Variants in TARBP1 observed in about 807,000 individuals in gnomAD.
TARBP1 encodes the protein tRNA guanosine 2 -O-methyltransferase TARBP1, also known as tRNA (guanosine(18)-2'-O)-methyltransferase TARBP1.
A neutral mutation model predicts 178.6 loss-of-function variants in TARBP1; 144 were observed. The observed-to-expected ratio is 0.81, with a 90% CI of 0.70 to 0.93. The LOEUF (loss-of-function observed/expected upper bound fraction) is 0.93, where lower values mean the gene tolerates loss of function less well. Ranked by LOEUF, TARBP1 falls within the 40% of genes least tolerant of loss-of-function variation. TARBP1 has a pLI of 0.00. For missense variants in TARBP1, 2,067 were observed against 2,011.7 expected, an observed-to-expected ratio of 1.03 and a Z score of -0.53; for synonymous variants, 787 against 781.0, an observed-to-expected ratio of 1.01 and a Z score of -0.13.
At chr1:234,420,960 A>G in intron 20 of TARBP1, 148 bp from the exon 21 acceptor site, 1 of 458,958 alleles carries the variant, frequency 2.2e-6, no homozygotes, top group Non-Finnish European at 3.9e-6. Flanking sequence ...AGGATGAGAA[A>G]AAGAATGGCA....
At chr1:234,474,379 A>G (rs1205311221) in intron 1 of TARBP1, among the ~76,000 whole-genome samples, 1 of 152,170 alleles carries the variant, frequency 6.6e-6, no homozygotes, top group East Asian at 1.9e-4. Context: ...AGGAAGTTCA[A>G]TATCTAAAAA....
chr1:234,464,833 A>T (rs1016036379), intron 5 of TARBP1, among the ~76,000 whole-genome samples: 2 of 152,202 alleles, frequency 1.3e-5, no homozygotes, highest in African/African-American at 2.4e-5. Flanking sequence ...TTGAAGACAG[A>T]ATTCAAGAGT....
chr1:234,402,513 A>G (rs780199669), intron 24 of TARBP1, among the ~76,000 whole-genome samples: 4 of 152,208 alleles, frequency 2.6e-5, no homozygotes, highest in African/African-American at 7.2e-5. Context: ...TATAGACACC[A>G]GTAAACCTAC....
chr1:234,399,399 G>A (rs1427642116), intron 25 of TARBP1, among the ~76,000 whole-genome samples: 1 of 152,214 alleles, frequency 6.6e-6, no homozygotes, highest in Non-Finnish European at 1.5e-5. Context: ...GATTAAGGGG[G>A]AACCAAGTAG....
chr1:234,401,246 A>C lies in TARBP1; in HGVS notation c.4006T>G (p.Trp1336Gly), dbSNP rs773826715. Reference protein sequence around the residue: ...MHGAGNAKKNWQRIQEHFFFA... With the variant: ...MHGAGNAKKNGQRIQEHFFFA... ...AAGAAATGCTCCTGAATGCGTTGCCAATTCTTCTTGGCATTCCTAAGGATT... is the reference window on the plus strand; with the variant it reads ...AAGAAATGCTCCTGAATGCGTTGCCCATTCTTCTTGGCATTCCTAAGGATT... Residue 1336 changes from tryptophan to glycine, a missense_variant, in exon 25 of 30, where the codon TGG (tryptophan) becomes GGG (glycine). Physicochemically the swap from Trp to Gly is radical, Grantham distance 184. Coordinates refer to ENST00000040877, the MANE Select transcript of TARBP1 (RefSeq NM_005646.4). 4.3e-6 allele frequency: 7 copies of C among 1,613,136 alleles called. No individual in the cohort carries two copies. In the South Asian group the frequency reaches 7.7e-5, roughly 18 times the overall value.
At position 234,446,887 on chromosome 1, in the gene TARBP1, G is replaced by A; in HGVS notation, c.2050C>T (p.Pro684Ser). The A allele has an allele frequency of 6.2e-7, 1 of 1,614,008 alleles. No homozygotes were observed. The highest frequency in any genetic ancestry group is 8.5e-7 in the Non-Finnish European group (1 of 1,179,964). Reference sequence around the variant, plus strand: ...AGGCATCTGTCAGTCTTCAGCAAGGGCATGTAGGCATTGGTACTAAACTTC... The same window carrying A: ...AGGCATCTGTCAGTCTTCAGCAAGGACATGTAGGCATTGGTACTAAACTTC... ...LMKFSTNAYM[P>S]LLKTDRCLQL... Residue 684 changes from proline to serine, a missense_variant, in exon 12 of 30, where the codon CCC becomes TCC. Transcript: ENST00000040877.
chr1:234,429,425 C>A lies in TARBP1; in HGVS notation c.2862G>T (p.Leu954Phe). Reference sequence around the variant, plus strand: ...TTTCACTCTATCTTACCTTGGGAACCAACACTTTCAAGCAATGGAACACTG... The same window carrying A: ...TTTCACTCTATCTTACCTTGGGAACAAACACTTTCAAGCAATGGAACACTG... Reference protein sequence around the residue: ...VLPVFHCLKVLVPKLLTSSES... With the variant: ...VLPVFHCLKVFVPKLLTSSES... The change falls in exon 16 of 30, where the codon TTG (leucine) becomes TTT (phenylalanine). Residue 954 changes from leucine to phenylalanine, a missense_variant. Transcript: ENST00000040877. 6.2e-7 allele frequency: 1 copy of A among 1,609,930 alleles called. No individual in the cohort carries two copies. Among genetic ancestry groups the A allele is most frequent in the South Asian group, 1.1e-5 (1 of 90,252 alleles).
intron 19 of TARBP1, among the ~76,000 whole-genome samples, chr1:234,426,149 C>T (rs138730524): frequency 2.0e-5 from 3 of 152,204 alleles, no homozygotes; most frequent in African/African-American, 7.2e-5. Context: ...CCTCCATTCA[C>T]TCAGGGGCAT....
rs747890705 is a variant in TARBP1, at chr1:234,429,174, C to T, written c.3022G>A (p.Ala1008Thr). 15 of 1,587,282 alleles carry T rather than the reference C, an allele frequency of 9.5e-6. No individual in the cohort carries two copies. In the Admixed American group the frequency reaches 2.8e-4, roughly 29 times the overall value. Reference sequence around the variant, plus strand: ...AAATATGCCTGGCCCTTGATTTTGGCAGCAATGGTAAGAACTTTGTTATCA... The same window carrying T: ...AAATATGCCTGGCCCTTGATTTTGGTAGCAATGGTAAGAACTTTGTTATCA... ...VFDNKVLTIA[A>T]KIKGQAYFKI... Residue 1008 changes from alanine (A) to threonine (T), a missense_variant, in exon 17 of 30, where the codon GCC (alanine) becomes ACC (threonine). Physicochemically the swap from Ala to Thr is moderately conservative, Grantham distance 58. Transcript: ENST00000040877.
In TARBP1 at chr1:234,393,364, C is replaced by T. The variant is rs766760067; in HGVS notation, c.4558G>A (p.Glu1520Lys). ...ATAATAAATTACTTTCCACCCACCTCCACTAGAGGAAGCCACTGTTCTGCA... is the reference window on the plus strand; with the variant it reads ...ATAATAAATTACTTTCCACCCACCTTCACTAGAGGAAGCCACTGTTCTGCA... Reference protein sequence around the residue: ...VSAEQWLPLVEVKPPQLIDYL... With the variant: ...VSAEQWLPLVKVKPPQLIDYL... Residue 1520 changes from glutamate to lysine, a missense_variant and splice_region_variant, in exon 28 of 30, where the codon GAG becomes AAG. Glu to Lys is a moderately conservative substitution (Grantham distance 56). Coordinates refer to ENST00000040877, the MANE Select transcript of TARBP1 (RefSeq NM_005646.4). 1 of 1,546,526 alleles carries T rather than the reference C, an allele frequency of 6.5e-7. No homozygotes were observed. Among genetic ancestry groups the T allele is most frequent in the Admixed American group, 1.9e-5 (1 of 51,670 alleles).
chr1:234,392,936 G>A (rs1659540781), intron 28 of TARBP1, among the ~76,000 whole-genome samples: 1 of 151,968 alleles, frequency 6.6e-6, no homozygotes, highest in South Asian at 2.1e-4. Flanking sequence ...AGCCAGGATG[G>A]TCTCGATCTC....
Position 234,433,482 on chromosome 1 carries a change from G to A in TARBP1, c.2322C>T (p.Asn774=), listed in dbSNP as rs377316892. The part of the protein sequence containing the change: ...LHLKVGWKRG[N]PIWRVISLLK... ...AAAGAGAAATAACTCTCCAGATAGG[G>A]TTACCCCTTTTCCACCCAACCTTCA... Residue 774 remains asparagine, a synonymous_variant, in exon 14 of 30, where the codon AAC becomes AAT. Coordinates refer to ENST00000040877, the MANE Select transcript of TARBP1 (RefSeq NM_005646.4). 6.2e-7 allele frequency: 1 copy of A among 1,614,034 alleles called. No homozygotes were observed. The highest frequency in any genetic ancestry group is 8.5e-7 in the Non-Finnish European group (1 of 1,179,994).
At chr1:234,394,528 T>G (rs1450911674) in intron 26 of TARBP1, among the ~76,000 whole-genome samples, 2 of 152,150 alleles carry the variant, frequency 1.3e-5, no homozygotes, top group Non-Finnish European at 2.9e-5. Flanking sequence ...TGCAAATAAC[T>G]GTAACACAGT....
intron 24 of TARBP1, 28 bp downstream of exon 24, chr1:234,405,875 G>C: frequency 6.2e-7 from 1 of 1,601,566 alleles, no homozygotes; most frequent in Non-Finnish European, 8.5e-7. Context: ...GGAGAGTGAG[G>C]GCGATGAGGT....
Position 234,425,809 on chromosome 1 carries a change from G to A in TARBP1, c.3324-16C>T, listed in dbSNP as rs760931013. Reference sequence around the variant, plus strand: ...TCTCTTAGTACTAAAAAAATTAAATGATAAATTATGTTAATACATTTTGAA... The same window carrying A: ...TCTCTTAGTACTAAAAAAATTAAATAATAAATTATGTTAATACATTTTGAA... On this transcript the variant is annotated splice_polypyrimidine_tract_variant and intron_variant, in intron 19 of 29. Coordinates refer to ENST00000040877, the MANE Select transcript of TARBP1 (RefSeq NM_005646.4). 2 of 1,501,854 alleles carry A rather than the reference G, an allele frequency of 1.3e-6. No homozygotes were observed. The highest frequency in any genetic ancestry group is 1.8e-6 in the Non-Finnish European group (2 of 1,101,716). The allele number at this position is 1,501,854 out of a possible 1,614,324, so 93.0% of individuals were successfully genotyped here. A position where few individuals can be genotyped will look rare whatever the true frequency, so the allele number is the denominator to read the frequency against.
chr1:234,418,241 A>T lies in TARBP1; in HGVS notation c.3556-8T>A. ...AATTCCATTCAAGAAATTCTGAGAA[A>T]AAAAGTTCACAATTAACCAGTTACA... On this transcript the variant is annotated splice_polypyrimidine_tract_variant and splice_region_variant and intron_variant, in intron 21 of 29. Coordinates refer to ENST00000040877, the MANE Select transcript of TARBP1 (RefSeq NM_005646.4). The T allele has an allele frequency of 6.5e-7, 1 of 1,547,606 alleles. No homozygotes were observed. The highest frequency in any genetic ancestry group is 8.6e-7 in the Non-Finnish European group (1 of 1,160,088).
intron 20 of TARBP1, among the ~76,000 whole-genome samples, chr1:234,423,602 G>C (rs1303724310): frequency 6.6e-6 from 1 of 152,122 alleles, no homozygotes; most frequent in African/African-American, 2.4e-5. Flanking sequence ...CAGCCGGCCT[G>C]CAACCTCCTC....
At chr1:234,433,697 C>A (rs556218729) in intron 13 of TARBP1, 126 bp from the exon 14 acceptor site, 268 of 912,112 alleles carry the variant, frequency 2.9e-4, no homozygotes, top group Non-Finnish European at 4.1e-4. Flanking sequence ...AAAATAAGTT[C>A]TTTTCTCCAA....
rs147943473 is a variant in TARBP1, at chr1:234,420,716, G to C, written c.3541C>G (p.Pro1181Ala). 1,310 of 1,607,892 alleles carry C rather than the reference G, an allele frequency of 8.1e-4. 5 individuals are homozygous for C. Among genetic ancestry groups the C allele is most frequent in the East Asian group, 2.9e-3 (129 of 44,650 alleles). ...AAATATGATACCTGGTCAAGTCTAG[G>C]GAAAAGTACCAGCAGAGTCTGCCAC... ...RVWQTLLVLF[P>A]RLDQNFLNGI... The change falls in exon 21 of 30, where the codon CCT (proline) becomes GCT (alanine). Residue 1181 changes from proline to alanine, a missense_variant. Transcript: ENST00000040877.
Sources: gnomAD v4.1 joint callset for allele counts (sites outside exome capture counted in the v4.1 genomes callset) on GRCh38, gnomAD v4.1.1 for gene constraint, MANE v1.5 for transcripts, NCBI Gene and HGNC (gene_info 2026-07-23, HGNC 2026-07-21) for gene names.